Variants in EXT1 observed in about 807,000 individuals in gnomAD.
The protein encoded by EXT1 is exostosin glycosyltransferase 1, also known as exostosin-1.
EXT1 carries 20 observed loss-of-function variants against 82.5 expected under a neutral mutation model. The observed-to-expected ratio is 0.24, with a 90% CI of 0.17 to 0.35. EXT1 has a LOEUF of 0.35. Ranked by LOEUF, EXT1 falls within the 10% of genes least tolerant of loss-of-function variation. EXT1 has a pLI of 1.00. For synonymous variants in EXT1, 348 were observed against 350.8 expected (o/e 0.99, Z 0.09); for missense variants, 757 against 936.5 (o/e 0.81, Z 2.50).
chr8:118,041,130 T>G (rs1181020503), intron 1 of EXT1, among the ~76,000 whole-genome samples: 2 of 152,214 alleles, frequency 1.3e-5, no homozygotes, highest in Non-Finnish European at 2.9e-5. Flanking sequence ...ACCAGAAGGA[T>G]CTAGGTGGAA....
At position 117,932,068 on chromosome 8, in the gene EXT1, A is replaced by C. The variant is rs564824009; in HGVS notation, c.963-94867T>G. 1.8e-4 allele frequency among the ~76,000 whole-genome samples: 27 copies of C among 152,360 alleles called. No individual in the cohort carries two copies. In the Middle Eastern group the frequency reaches 0.014, roughly 77 times the overall value. ...AACAAAAGCAATTTAAATTATTTCA[A>C]TTCGAAATTACGTAGTTTTACTAAA... On this transcript the variant is annotated intron_variant, in intron 1 of 10. Transcript: ENST00000378204.
At chr8:117,973,886 G>GGAAAGA (rs1815006542) in intron 1 of EXT1, among the ~76,000 whole-genome samples, 1 of 67,320 alleles carries the variant, frequency 1.5e-5, no homozygotes, top group African/African-American at 6.0e-5. Flanking sequence ...GAAAGGAAAG[G>GGAAAGA]AAGGAAAGGA....
chr8:117,937,524 C>A (rs1027866837), intron 1 of EXT1, among the ~76,000 whole-genome samples: 9 of 152,340 alleles, frequency 5.9e-5, no homozygotes, highest in African/African-American at 2.2e-4. Context: ...TGTTGCTTAA[C>A]TCTGCTGCCT....
chr8:117,849,770 G>C (rs943005089), intron 1 of EXT1, among the ~76,000 whole-genome samples: 4 of 152,186 alleles, frequency 2.6e-5, no homozygotes, highest in Non-Finnish European at 5.9e-5. Context: ...TATTAGAAAG[G>C]ATGAGGCCAA....
intron 1 of EXT1, among the ~76,000 whole-genome samples, chr8:117,897,000 T>C (rs945311945): frequency 2.6e-5 from 4 of 152,124 alleles, no homozygotes; most frequent in South Asian, 2.1e-4. Context: ...TCCTCCCTGC[T>C]CTAAGAAGTG....
rs111956885 is a variant in EXT1, at chr8:117,811,618, A to ATT, written c.1722+1252_1722+1253dup. On this transcript the variant is annotated intron_variant, in intron 8 of 10. Transcript: ENST00000378204. ...ATGGCACCTTGAAAGCATCTATGGA[A>ATT]TTTTTTTTTTTTTTTTGAGATGGAG... Among the ~76,000 whole-genome samples, 377 of 143,062 alleles carry ATT rather than the reference A, an allele frequency of 2.6e-3. 1 individual carries two copies. The highest frequency in any genetic ancestry group is 7.9e-3 in the African/African-American group (309 of 39,056). 93.9% of individuals were successfully genotyped at this position (143,062 alleles called of 152,430 possible). A position where few individuals can be genotyped will look rare whatever the true frequency, so the allele number is the denominator to read the frequency against.
At chr8:117,889,129 C>T (rs998783351) in intron 1 of EXT1, among the ~76,000 whole-genome samples, 1 of 152,154 alleles carries the variant, frequency 6.6e-6, no homozygotes, top group Non-Finnish European at 1.5e-5. Context: ...GGGCAGCTAT[C>T]TTGGACTCCA....
At chr8:118,007,642 G>A (rs1043591413) in intron 1 of EXT1, among the ~76,000 whole-genome samples, 14 of 152,154 alleles carry the variant, frequency 9.2e-5, no homozygotes, top group African/African-American at 1.4e-4. Flanking sequence ...TACAAAAGAC[G>A]AAGAAGATAG....
chr8:117,935,999 G>A (rs1293448594), intron 1 of EXT1, among the ~76,000 whole-genome samples: 1 of 152,178 alleles, frequency 6.6e-6, no homozygotes. Context: ...ATCTGTAGAA[G>A]GGTGTATGGT....
At chr8:117,850,398 C>T (rs1812433117) in intron 1 of EXT1, among the ~76,000 whole-genome samples, 1 of 152,170 alleles carries the variant, frequency 6.6e-6, no homozygotes. Flanking sequence ...TAGGGATAAT[C>T]TTTATGGAAA....
At chr8:117,961,868 G>A (rs1410551635) in intron 1 of EXT1, among the ~76,000 whole-genome samples, 1 of 152,142 alleles carries the variant, frequency 6.6e-6, no homozygotes, top group African/African-American at 2.4e-5. Context: ...GCCTTGCATA[G>A]AACCACAGAT....
chr8:117,864,256 T>C (rs1812734839), intron 1 of EXT1, among the ~76,000 whole-genome samples: 1 of 152,230 alleles, frequency 6.6e-6, no homozygotes, highest in Admixed American at 6.5e-5. Flanking sequence ...ACACTTTTCT[T>C]TCTCCCTAAA....
intron 1 of EXT1, among the ~76,000 whole-genome samples, chr8:117,977,391 T>TAAAAAA (rs34970501): frequency 1.6e-5 from 2 of 128,962 alleles, no homozygotes; most frequent in African/African-American, 5.7e-5. Context: ...TGTCTCAAAA[T>TAAAAAA]AAAAAAAAAA....
chr8:117,988,028 T>C (rs1471188729), intron 1 of EXT1, among the ~76,000 whole-genome samples: 2 of 152,180 alleles, frequency 1.3e-5, no homozygotes, highest in Non-Finnish European at 2.9e-5. Flanking sequence ...GTTGAGGCTG[T>C]GGTGAGCCGT....
intron 1 of EXT1, among the ~76,000 whole-genome samples, chr8:117,909,356 G>C (rs905870437): frequency 2.8e-4 from 42 of 152,146 alleles, no homozygotes; most frequent in African/African-American, 1.0e-3. Flanking sequence ...TTGTAGATGA[G>C]AACACTGGAG....
intron 1 of EXT1, among the ~76,000 whole-genome samples, chr8:118,019,177 C>A (rs981955281): frequency 1.3e-5 from 2 of 151,646 alleles, no homozygotes; most frequent in African/African-American, 4.8e-5. Flanking sequence ...ATTTCTGAAA[C>A]CTTTGATTTC....
intron 10 of EXT1, 60 bp downstream of exon 10, chr8:117,804,662 A>G (rs1015780570): frequency 1.9e-6 from 3 of 1,599,276 alleles, no homozygotes; most frequent in Non-Finnish European, 2.6e-6. Context: ...GTGAGTCCTC[A>G]TTACCTGGGG....
intron 1 of EXT1, among the ~76,000 whole-genome samples, chr8:118,011,834 A>C (rs1815907127): frequency 6.6e-6 from 1 of 152,132 alleles, no homozygotes; most frequent in African/African-American, 2.4e-5. Flanking sequence ...TGATCTCACT[A>C]CTTCAAGGAA....
intron 1 of EXT1, among the ~76,000 whole-genome samples, chr8:117,967,126 T>C (rs954440427): frequency 8.5e-5 from 13 of 152,206 alleles, no homozygotes; most frequent in African/African-American, 2.9e-4. Context: ...TAACACACCA[T>C]AAAGGTCTTT....
Sources: gnomAD v4.1 joint callset for allele counts (sites outside exome capture counted in the v4.1 genomes callset) on GRCh38, gnomAD v4.1.1 for gene constraint, MANE v1.5 for transcripts, NCBI Gene and HGNC (gene_info 2026-07-23, HGNC 2026-07-21) for gene names.